The following PLCZ1 variants were observed in gnomAD, a reference collection of about 807,000 sequenced individuals.
The protein encoded by PLCZ1 is phospholipase C zeta 1, also known as 1-phosphatidylinositol 4,5-bisphosphate phosphodiesterase zeta-1.
Under a neutral mutation model 76.8 loss-of-function variants are expected in PLCZ1, and 64 were observed. The ratio of observed to expected loss-of-function variants is 0.83; its 90% CI spans 0.68 to 1.03. The LOEUF (loss-of-function observed/expected upper bound fraction) is 1.03. Among genes scored for constraint, PLCZ1 ranks in the 50% least tolerant of loss-of-function variants. The pLI, the probability that PLCZ1 is intolerant of heterozygous loss-of-function variation, is 0.00. For synonymous variants in PLCZ1, 248 were observed against 230.8 expected (o/e 1.07, Z -0.68); for missense variants, 751 against 713.7 (o/e 1.05, Z -0.60).
the PLCZ1 span, among the ~76,000 whole-genome samples, chr12:18,657,771 C>CA: frequency 6.6e-6 from 1 of 151,760 alleles, no homozygotes; most frequent in African/African-American, 2.4e-5. Flanking sequence ...CAGTCTTCAA[C>CA]AAAAAATTGT....
the PLCZ1 span, among the ~76,000 whole-genome samples, chr12:18,646,067 A>G: frequency 6.6e-6 from 1 of 152,286 alleles, no homozygotes; most frequent in South Asian, 2.1e-4. Flanking sequence ...TCCAGGCAGC[A>G]TTGGGCATCC....
At chr12:18,727,184 T>C (rs1415114702) in intron 3 of PLCZ1, among the ~76,000 whole-genome samples, 1 of 143,016 alleles carries the variant, frequency 7.0e-6, no homozygotes, top group African/African-American at 2.6e-5. Context: ...TCTCTAAATG[T>C]AAAAAAAAAA....
chr12:18,736,750 T>A lies in PLCZ1; in HGVS notation c.12-406A>T, dbSNP rs770413751. The A allele has an allele frequency of 9.8e-6, 11 of 1,120,620 alleles. No homozygotes were observed. In the South Asian group the frequency reaches 1.2e-4, roughly 12 times the overall value. 69.4% of individuals were successfully genotyped at this position (1,120,620 alleles called of 1,614,324 possible). ...AAGGTGAGCAAATTAACCCTGAATC[T>A]TAAGGAAAGTGGAAGCATTAGATGA... On this transcript the variant is annotated intron_variant, in intron 2 of 14. Coordinates refer to ENST00000266505, the MANE Select transcript of PLCZ1 (RefSeq NM_033123.4).
At chr12:18,686,228 T>C (rs1480919758) in intron 13 of PLCZ1, among the ~76,000 whole-genome samples, 1 of 151,866 alleles carries the variant, frequency 6.6e-6, no homozygotes, top group East Asian at 1.9e-4. Flanking sequence ...ATTTCTCATT[T>C]CCCTCTCGTA....
In PLCZ1 at chr12:18,712,188, T is replaced by C. The variant is rs372043841; in HGVS notation, c.714+654A>G. 1.2e-3 allele frequency among the ~76,000 whole-genome samples: 182 copies of C among 152,238 alleles called. 1 individual carries two copies. Among genetic ancestry groups the C allele is most frequent in the African/African-American group, 4.2e-3 (173 of 41,568 alleles). ...CTTAAGAAATCAAGTGTGTTAAGTT[T>C]ACAAAAACAACACAATGTCTGAAGG... On this transcript the variant is annotated intron_variant, in intron 6 of 14. Coordinates refer to ENST00000266505, the MANE Select transcript of PLCZ1 (RefSeq NM_033123.4).
At chr12:18,695,115 T>A (rs1954770294) in intron 11 of PLCZ1, 36 bp from the exon 12 acceptor site, 1 of 1,581,550 alleles carries the variant, frequency 6.3e-7, no homozygotes, top group African/African-American at 1.3e-5. Flanking sequence ...TGTCAGGTAA[T>A]AGAGAATACA....
intron 3 of PLCZ1, among the ~76,000 whole-genome samples, chr12:18,732,237 T>C (rs996414106): frequency 1.3e-5 from 2 of 152,078 alleles, no homozygotes; most frequent in Non-Finnish European, 1.5e-5. Context: ...CTACAGCCTC[T>C]ATCTCCTGAG....
At chr12:18,733,654 G>A (rs971815342) in intron 3 of PLCZ1, among the ~76,000 whole-genome samples, 2 of 152,070 alleles carry the variant, frequency 1.3e-5, no homozygotes, top group Non-Finnish European at 2.9e-5. Context: ...ATGGGGTAAG[G>A]TTAGAGTCCA....
At chr12:18,727,948 C>G (rs764191621) in intron 3 of PLCZ1, among the ~76,000 whole-genome samples, 16 of 152,004 alleles carry the variant, frequency 1.1e-4, no homozygotes, top group African/African-American at 3.9e-4. Flanking sequence ...AGTATATGGA[C>G]CTAAAAAGAT....
At chr12:18,704,795 C>T (rs764091639) in intron 7 of PLCZ1, among the ~76,000 whole-genome samples, 5 of 152,056 alleles carry the variant, frequency 3.3e-5, no homozygotes, top group Admixed American at 6.6e-5. Context: ...GAACTTGCTA[C>T]CCAGCTGTTG....
intron 7 of PLCZ1, 139 bp downstream of exon 7, chr12:18,705,027 A>C: frequency 1.0e-6 from 1 of 992,720 alleles, no homozygotes; most frequent in Non-Finnish European, 1.6e-6. Context: ...CCTAGGCAAC[A>C]TTGCAAAAAT....
the PLCZ1 span, among the ~76,000 whole-genome samples, chr12:18,655,078 G>T: frequency 0.46 from 69,677 of 151,752 alleles, 16,714 homozygotes; most frequent in East Asian, 0.65. Flanking sequence ...AGAGGCTTTT[G>T]ATGTTTCTTG....
At position 18,684,008 on chromosome 12, in the gene PLCZ1, A is replaced by G. The variant is rs1051951415; in HGVS notation, c.1741+122T>C. ...CCACAGAGAAAAAATATGTGTCAAT[A>G]CATAAAATTTCCTTTACATCCTACT... On this transcript the variant is annotated intron_variant, in intron 14 of 14. Coordinates refer to ENST00000266505, the MANE Select transcript of PLCZ1 (RefSeq NM_033123.4). The G allele has an allele frequency of 1.1e-5, 13 of 1,147,184 alleles. No homozygotes were observed. The African/African-American group carries it at 1.5e-4, about 14-fold the overall frequency. The allele number at this position is 1,147,184 out of a possible 1,614,324, so 71.1% of individuals were successfully genotyped here. A position where few individuals can be genotyped will look rare whatever the true frequency, so the allele number is the denominator to read the frequency against.
chr12:18,693,344 G>T (rs1278044652), intron 12 of PLCZ1: 15 of 1,580,950 alleles, frequency 9.5e-6, no homozygotes, highest in Non-Finnish European at 1.3e-5. Context: ...ATACTGGGGG[G>T]TTGGACAACC....
At chr12:18,656,097 G>A in the PLCZ1 span, among the ~76,000 whole-genome samples, 1 of 152,110 alleles carries the variant, frequency 6.6e-6, no homozygotes, top group Non-Finnish European at 1.5e-5. Context: ...CAGCAAAAAT[G>A]GTGAAGTAGG....
intron 10 of PLCZ1, among the ~76,000 whole-genome samples, chr12:18,698,552 C>T (rs932527319): frequency 2.6e-5 from 4 of 152,148 alleles, no homozygotes; most frequent in Non-Finnish European, 4.4e-5. Flanking sequence ...CATTCCCAAA[C>T]AGCCAGCAGC....
intron 3 of PLCZ1, chr12:18,730,876 T>C (rs1358170509): frequency 6.6e-6 from 1 of 152,186 alleles, no homozygotes; most frequent in Non-Finnish European, 1.5e-5. Flanking sequence ...CGAGAAGCAA[T>C]AGCTTTTCTC....
chr12:18,648,125 G>A, the PLCZ1 span: 2 of 651,550 alleles, frequency 3.1e-6, no homozygotes, highest in South Asian at 6.2e-5. Context: ...TGTTGTCAAA[G>A]ACAGCACAGG....
At chr12:18,732,842 A>T (rs1453683764) in intron 3 of PLCZ1, among the ~76,000 whole-genome samples, 1 of 152,180 alleles carries the variant, frequency 6.6e-6, no homozygotes, top group African/African-American at 2.4e-5. Flanking sequence ...TTGTATGTAC[A>T]TACTATATTT....
Sources: gnomAD v4.1 joint callset for allele counts (sites outside exome capture counted in the v4.1 genomes callset) on GRCh38, gnomAD v4.1.1 for gene constraint, MANE v1.5 for transcripts, NCBI Gene and HGNC (gene_info 2026-07-23, HGNC 2026-07-21) for gene names.